Variants in FSHR observed in about 807,000 individuals in gnomAD.
The protein encoded by FSHR is follicle-stimulating hormone receptor.
In FSHR, 46 loss-of-function variants were observed where a neutral mutation model predicts 52.1. The ratio of observed to expected loss-of-function variants is 0.88; its 90% CI spans 0.70 to 1.13. The LOEUF (loss-of-function observed/expected upper bound fraction) is 1.13, where lower values mean the gene tolerates loss of function less well. FSHR is among the 50% of genes most tolerant of loss of function. The pLI is 0.00. For missense variants in FSHR, 964 were observed against 834.6 expected, an observed-to-expected ratio of 1.16 and a Z score of -1.91; for synonymous variants, 399 against 309.6, an observed-to-expected ratio of 1.29 and a Z score of -3.03.
At chr2:49,015,789 G>T (rs1286169823) in intron 4 of FSHR, among the ~76,000 whole-genome samples, 1 of 152,142 alleles carries the variant, frequency 6.6e-6, no homozygotes. Context: ...TAATTTGTGG[G>T]ATGCTGTGTA....
chr2:48,985,753 C>A (rs1675477346), intron 6 of FSHR, among the ~76,000 whole-genome samples: 2 of 122,470 alleles, frequency 1.6e-5, no homozygotes, highest in Admixed American at 1.9e-4. Context: ...GTCGCCCAGG[C>A]CGGACTGCGG....
At chr2:49,146,444 T>C (rs894342752) in intron 1 of FSHR, among the ~76,000 whole-genome samples, 1 of 152,054 alleles carries the variant, frequency 6.6e-6, no homozygotes, top group African/African-American at 2.4e-5. Flanking sequence ...AAATCATTGC[T>C]GGAGATAGGA....
In FSHR at chr2:48,990,626, T is replaced by C. The variant is rs1167245821; in HGVS notation, c.386A>G (p.Asn129Ser). Residue 129 changes from asparagine (N) to serine (S), a missense_variant, in exon 5 of 10, where the codon AAC becomes AGC. Asn to Ser is a conservative substitution (Grantham distance 46, BLOSUM62 1). Transcript: ENST00000406846. ...ATCTGGAAGGTGCTTAATACCTGTG[T>C]TGGATATTAACCTAGAGAGAAACAA... The part of the protein sequence containing the change: ...LPNLQYLLIS[N>S]TGIKHLPDVH... 7 of 1,607,064 alleles carry C rather than the reference T, an allele frequency of 4.4e-6. No individual in the cohort carries two copies. Among genetic ancestry groups the C allele is most frequent in the Non-Finnish European group, 6.0e-6 (7 of 1,173,656 alleles).
chr2:48,968,986 TG>T, intron 8 of FSHR, 103 bp from the exon 9 acceptor site: 1 of 1,049,982 alleles, frequency 9.5e-7, no homozygotes, highest in Non-Finnish European at 1.4e-6. Flanking sequence ...TATTCTTACA[TG>T]GATGAGGAGA....
intron 2 of FSHR, among the ~76,000 whole-genome samples, chr2:49,033,287 T>G (rs752729167): frequency 7.2e-5 from 11 of 152,172 alleles, no homozygotes; most frequent in Non-Finnish European, 1.3e-4. Context: ...TGAGTGTGAT[T>G]TTTTTTCATT....
intron 1 of FSHR, among the ~76,000 whole-genome samples, chr2:49,127,767 T>C (rs1186287729): frequency 1.4e-4 from 5 of 35,490 alleles, no homozygotes; most frequent in Admixed American, 4.1e-4. Context: ...CTTCTTCTTC[T>C]TCTTCTTCTT....
chr2:49,077,498 C>T (rs889335199), intron 1 of FSHR, among the ~76,000 whole-genome samples: 16 of 151,960 alleles, frequency 1.1e-4, no homozygotes, highest in African/African-American at 1.7e-4. Flanking sequence ...AGATCTCTAA[C>T]GTGCCCTGGA....
At chr2:48,989,135 A>G in intron 5 of FSHR, 81 bp from the exon 6 acceptor site, 1 of 1,034,780 alleles carries the variant, frequency 9.7e-7, no homozygotes, top group Non-Finnish European at 1.5e-6. Flanking sequence ...AACTGGCATG[A>G]TGCGGTCTTC....
At position 48,963,497 on chromosome 2, in the gene FSHR, A is replaced by T; in HGVS notation, c.1324T>A (p.Cys442Ser). ...ACAGTGAAAAAGCCAGCAGCATCAC[A>T]GCCTGCCCCAGTTTGCCAGTCAATG... ...YAIDWQTGAG[C>S]DAAGFFTVFA... The change falls in exon 10 of 10, where the codon TGT (cysteine) becomes AGT (serine). Residue 442 changes from cysteine to serine, a missense_variant. By Grantham distance (112) the Cys-to-Ser change is moderately radical. Coordinates refer to ENST00000406846, the MANE Select transcript of FSHR (RefSeq NM_000145.4). 3 of 1,614,224 alleles carry T rather than the reference A, an allele frequency of 1.9e-6. No individual in the cohort carries two copies. The highest frequency in any genetic ancestry group is 2.5e-6 in the Non-Finnish European group (3 of 1,180,022).
Position 49,127,747 on chromosome 2 carries a change from C to CT in FSHR, c.152+26518dup, listed in dbSNP as rs1327956515. On this transcript the variant is annotated intron_variant, in intron 1 of 9. Transcript: ENST00000406846. The stretch of plus-strand genomic sequence containing the variant: ...ATTGATTTGTGCATGATTTCTTCTT[C>CT]TTCTTTCTTCTTCTTCTTCTTCTTC... Among the ~76,000 whole-genome samples, 288 of 110,156 alleles carry CT rather than the reference C, an allele frequency of 2.6e-3. 49 individuals carry two copies. The highest frequency in any genetic ancestry group is 9.1e-3 in the African/African-American group (269 of 29,480). The allele number at this position is 110,156 out of a possible 152,430, so 72.3% of individuals were successfully genotyped here. A position where few individuals can be genotyped will look rare whatever the true frequency, so the allele number is the denominator to read the frequency against.
chr2:49,021,831 TTCTCTCTCTCTC>T (rs1553334822), intron 2 of FSHR, among the ~76,000 whole-genome samples: 89 of 46,500 alleles, frequency 1.9e-3, no homozygotes, highest in Non-Finnish European at 2.6e-3. Context: ...GGGTATGTGT[TTCTCTCTCTCTC>T]TCTCTCTCTC....
At chr2:49,103,758 G>C (rs1252043933) in intron 1 of FSHR, among the ~76,000 whole-genome samples, 1 of 152,104 alleles carries the variant, frequency 6.6e-6, no homozygotes, top group African/African-American at 2.4e-5. Context: ...ATAAGGGTCA[G>C]GGTTTTCCTC....
At chr2:49,125,759 A>C (rs1671974208) in intron 1 of FSHR, among the ~76,000 whole-genome samples, 2 of 152,216 alleles carry the variant, frequency 1.3e-5, no homozygotes, top group African/African-American at 4.8e-5. Context: ...GACTTAGATA[A>C]GGAAAGCCAG....
intron 2 of FSHR, among the ~76,000 whole-genome samples, chr2:49,052,275 C>T (rs899955585): frequency 2.5e-4 from 38 of 152,242 alleles, no homozygotes; most frequent in Admixed American, 1.4e-3. Context: ...ACTAATATGA[C>T]CTCACTCCCA....
chr2:49,051,446 A>C (rs2655372), intron 2 of FSHR, among the ~76,000 whole-genome samples: 22,788 of 152,030 alleles, frequency 0.15, 2,112 homozygotes, highest in Non-Finnish European at 0.2. Flanking sequence ...AATGATGAGC[A>C]TCTTTTCGTA....
At position 49,014,731 on chromosome 2, in the gene FSHR, T is replaced by C. The variant is rs149419567; in HGVS notation, c.374+2758A>G. 145 of 226,256 alleles carry C rather than the reference T, an allele frequency of 6.4e-4. 4 individuals carry two copies. Among genetic ancestry groups the C allele is most frequent in the African/African-American group, 3.1e-3 (135 of 42,868 alleles). 14.0% of individuals were successfully genotyped at this position (226,256 alleles called of 1,614,324 possible). A position where few individuals can be genotyped will look rare whatever the true frequency, so the allele number is the denominator to read the frequency against. On this transcript the variant is annotated intron_variant, in intron 4 of 9. Transcript: ENST00000406846. ...ATCCGCATTTTCAGATATGCTATTA[T>C]TATCATGGGCTAGGGATATCTATGT...
chr2:49,064,255 A>T (rs35462543), intron 2 of FSHR, among the ~76,000 whole-genome samples: 61,076 of 151,584 alleles, frequency 0.4, 12,761 homozygotes, highest in East Asian at 0.54. Context: ...TGGTTTAAAT[A>T]TTTTTTCCTC....
At chr2:49,079,217 T>C (rs1421623007) in intron 1 of FSHR, among the ~76,000 whole-genome samples, 4 of 152,194 alleles carry the variant, frequency 2.6e-5, no homozygotes, top group African/African-American at 9.6e-5. Context: ...AAATACTTAA[T>C]TGAAAAAAAA....
intron 2 of FSHR, among the ~76,000 whole-genome samples, chr2:49,049,593 T>C (rs1668780078): frequency 6.6e-6 from 1 of 152,044 alleles, no homozygotes; most frequent in African/African-American, 2.4e-5. Context: ...ATGACATACA[T>C]CTTTATTACT....
Sources: allele counts gnomAD v4.1 joint callset (sites outside exome capture counted in the v4.1 genomes callset), GRCh38; gene constraint gnomAD v4.1.1; transcripts MANE v1.5; gene names NCBI Gene and HGNC (gene_info 2026-07-23, HGNC 2026-07-21).